Variants in KCNH1 observed in about 807,000 individuals in gnomAD.
KCNH1 encodes potassium voltage-gated channel subfamily H member 1, also known as voltage-gated delayed rectifier potassium channel KCNH1.
Under a neutral mutation model 69.2 loss-of-function variants are expected in KCNH1, and 27 were observed. The ratio of observed to expected loss-of-function variants is 0.39; its 90% CI spans 0.29 to 0.54. KCNH1 has a LOEUF of 0.54. Among genes scored for constraint, KCNH1 ranks in the 20% least tolerant of loss-of-function variants. KCNH1 has a pLI of 0.68. For missense variants in KCNH1, 798 were observed against 1,261.6 expected (o/e 0.63, Z 5.57); for synonymous variants, 456 against 487.7 (o/e 0.93, Z 0.86).
intron 6 of KCNH1, among the ~76,000 whole-genome samples, chr1:210,930,925 GA>G (rs1222819973): frequency 6.6e-6 from 1 of 152,088 alleles, no homozygotes; most frequent in Admixed American, 6.6e-5. Context: ...CAAGCATATG[GA>G]AAAATGCTAA....
chr1:210,820,104 A>C (rs1416537979), intron 7 of KCNH1, among the ~76,000 whole-genome samples: 7 of 152,344 alleles, frequency 4.6e-5, no homozygotes, highest in Non-Finnish European at 1.0e-4. Flanking sequence ...TTGTTGTTTT[A>C]AGCCTCTACA....
Position 210,926,724 on chromosome 1 carries a change from A to G in KCNH1, c.1033-6655T>C, listed in dbSNP as rs532128197. On this transcript the variant is annotated intron_variant, in intron 6 of 10. Coordinates refer to ENST00000271751, the MANE Select transcript of KCNH1 (RefSeq NM_172362.3). ...GATCCAAACCGAGACAAAACCTATG[A>G]AACGCCAGAAAAAGAATTCGGGAGG... is the stretch of plus-strand genomic sequence containing the variant. Among the ~76,000 whole-genome samples, 4 of 152,324 alleles carry G rather than the reference A, an allele frequency of 2.6e-5. No individual in the cohort carries two copies. The East Asian group carries it at 7.7e-4, about 29-fold the overall frequency.
chr1:210,848,922 C>G (rs745831281), intron 7 of KCNH1, among the ~76,000 whole-genome samples: 2 of 151,930 alleles, frequency 1.3e-5, no homozygotes, highest in Non-Finnish European at 2.9e-5. Context: ...GTGTCTTAGA[C>G]CTTAAAAAGC....
intron 6 of KCNH1, among the ~76,000 whole-genome samples, chr1:210,951,100 G>A (rs540581102): frequency 1.3e-5 from 2 of 152,310 alleles, no homozygotes; most frequent in East Asian, 3.9e-4. Context: ...CACAGACTCA[G>A]CCTAAATGTG....
chr1:211,030,935 A>T (rs527505482), intron 5 of KCNH1, among the ~76,000 whole-genome samples: 1 of 152,216 alleles, frequency 6.6e-6, no homozygotes, highest in Non-Finnish European at 1.5e-5. Context: ...AAAAGGTATA[A>T]ACAGACATTT....
chr1:210,753,802 G>A (rs1295674575), intron 10 of KCNH1, among the ~76,000 whole-genome samples: 3 of 152,094 alleles, frequency 2.0e-5, no homozygotes, highest in South Asian at 2.1e-4. Context: ...CCAGGGGCCC[G>A]AGTGGGGGCA....
rs534062152 is a variant in KCNH1, at chr1:210,824,747, A to G, written c.1463-20581T>C. Among the ~76,000 whole-genome samples, 7 of 152,300 alleles carry G rather than the reference A, an allele frequency of 4.6e-5. No individual in the cohort carries two copies. In the South Asian group the frequency reaches 1.2e-3, roughly 27 times the overall value. ...AATTTAACAAGTGATAATACCTTAC[A>G]GTTTAGTTGTAGTGTGAAATCTGAA... On this transcript the variant is annotated intron_variant, in intron 7 of 10. Transcript: ENST00000271751.
chr1:211,049,875 C>T (rs1643866469), intron 5 of KCNH1, among the ~76,000 whole-genome samples: 1 of 152,144 alleles, frequency 6.6e-6, no homozygotes, highest in Non-Finnish European at 1.5e-5. Flanking sequence ...GCCTCAAGAT[C>T]CCCATCTCTC....
rs534544829 is a variant in KCNH1 at position 210,861,955 on chromosome 1, G to T, written c.1462+57685C>A. ...TTTGGTGATGTGATGAATGCATGTA[G>T]TAAGCTGTACCCTGATGAGCTCAGG... On this transcript the variant is annotated intron_variant, in intron 7 of 10. Transcript: ENST00000271751. 1.1e-3 allele frequency: 874 copies of T among 760,290 alleles called. 7 individuals are homozygous for T. In the African/African-American group the frequency reaches 0.013, roughly 11 times the overall value. The allele number at this position is 760,290 out of a possible 1,614,324, so 47.1% of individuals were successfully genotyped here.
chr1:210,700,717 C>A (rs1340948607), intron 10 of KCNH1, among the ~76,000 whole-genome samples: 1 of 152,094 alleles, frequency 6.6e-6, no homozygotes, highest in African/African-American at 2.4e-5. Flanking sequence ...CAAAAACAGA[C>A]AAAATGTAAA....
rs1210858112 is a variant in KCNH1 at position 210,845,786 on chromosome 1, A to G, written c.1463-41620T>C. On this transcript the variant is annotated intron_variant, in intron 7 of 10. Transcript: ENST00000271751. ...TTCAATTAGGAAAAGAGGAAGTCAA[A>G]TTGTCCCTGTTTGCAGATGACATGA... 2.0e-5 allele frequency among the ~76,000 whole-genome samples: 3 copies of G among 152,280 alleles called. No homozygotes were observed. The East Asian group carries it at 5.8e-4, about 29-fold the overall frequency.
At chr1:211,028,837 GA>G (rs1266779271) in intron 5 of KCNH1, among the ~76,000 whole-genome samples, 1 of 151,884 alleles carries the variant, frequency 6.6e-6, no homozygotes, top group African/African-American at 2.4e-5. Flanking sequence ...AAAATTTAAA[GA>G]AGAATTAACA....
chr1:210,823,619 T>C (rs1369323534), intron 7 of KCNH1, among the ~76,000 whole-genome samples: 2 of 152,238 alleles, frequency 1.3e-5, no homozygotes, highest in East Asian at 3.8e-4. Flanking sequence ...GCCTTCTTTA[T>C]GCCAAGCACT....
At chr1:211,080,637 A>G (rs1690837572) in intron 5 of KCNH1, among the ~76,000 whole-genome samples, 1 of 152,366 alleles carries the variant, frequency 6.6e-6, no homozygotes, top group African/African-American at 2.4e-5. Flanking sequence ...CTAATGGAAC[A>G]GAACAGAGGC....
chr1:210,962,498 A>G (rs1688313086), intron 6 of KCNH1, among the ~76,000 whole-genome samples: 1 of 152,050 alleles, frequency 6.6e-6, no homozygotes. Flanking sequence ...TAAACACACT[A>G]TATGTTATGC....
At chr1:210,869,852 C>T (rs1471891680) in intron 7 of KCNH1, among the ~76,000 whole-genome samples, 1 of 152,098 alleles carries the variant, frequency 6.6e-6, no homozygotes, top group Admixed American at 6.6e-5. Flanking sequence ...ATTCAACTTA[C>T]AGATACCTGG....
chr1:210,983,326 T>C (rs1688753153), intron 6 of KCNH1, among the ~76,000 whole-genome samples: 1 of 152,252 alleles, frequency 6.6e-6, no homozygotes, highest in South Asian at 2.1e-4. Flanking sequence ...TTTGGTGTTT[T>C]AGTCATGAAG....
intron 7 of KCNH1, among the ~76,000 whole-genome samples, chr1:210,857,184 C>T (rs1685868783): frequency 6.6e-6 from 1 of 151,964 alleles, no homozygotes; most frequent in Non-Finnish European, 1.5e-5. Context: ...CAACAGGTTA[C>T]TGTTCACACC....
chr1:210,838,965 T>C (rs1280815648), intron 7 of KCNH1, among the ~76,000 whole-genome samples: 1 of 151,800 alleles, frequency 6.6e-6, no homozygotes, highest in Non-Finnish European at 1.5e-5. Context: ...CTGGTGGGAG[T>C]GTAAATTAGT....
Sources: gnomAD v4.1 joint callset for allele counts (sites outside exome capture counted in the v4.1 genomes callset) on GRCh38, gnomAD v4.1.1 for gene constraint, MANE v1.5 for transcripts, NCBI Gene and HGNC (gene_info 2026-07-23, HGNC 2026-07-21) for gene names.